DPYD: variants seen among roughly 807,000 people sequenced by gnomAD.
DPYD encodes dihydropyrimidine dehydrogenase.
In DPYD, 109 loss-of-function variants were observed where a neutral mutation model predicts 116.2. The ratio of observed to expected loss-of-function variants is 0.94; its 90% confidence interval spans 0.80 to 1.10. The LOEUF (loss-of-function observed/expected upper bound fraction) is 1.10. Among genes scored for constraint, DPYD ranks in the 50% least tolerant of loss-of-function variants. DPYD has a pLI of 0.00. For missense variants in DPYD, 1,302 were observed against 1,254.5 expected (o/e 1.04, Z -0.57); for synonymous variants, 440 against 432.0 (o/e 1.02, Z -0.23).
At chr1:97,122,813 AT>A (rs1043197642) in intron 20 of DPYD, among the ~76,000 whole-genome samples, 10 of 151,204 alleles carry the variant, frequency 6.6e-5, no homozygotes, top group Non-Finnish European at 3.0e-5. Context: ...TGCTATCTTT[AT>A]TTTTTTTTCC....
At chr1:97,510,745 A>G (rs1480162299) in intron 13 of DPYD, among the ~76,000 whole-genome samples, 3 of 151,958 alleles carry the variant, frequency 2.0e-5, no homozygotes, top group African/African-American at 7.2e-5. Context: ...ATGAACATAC[A>G]TTGACTTTGT....
At chr1:97,809,186 C>G (rs1051788984) in intron 3 of DPYD, among the ~76,000 whole-genome samples, 4 of 152,166 alleles carry the variant, frequency 2.6e-5, no homozygotes, top group Admixed American at 2.6e-4. Flanking sequence ...GTGTGAAGAA[C>G]AGTCTTTATG....
At chr1:97,324,516 A>C (rs1668611776) in intron 16 of DPYD, among the ~76,000 whole-genome samples, 1 of 152,022 alleles carries the variant, frequency 6.6e-6, no homozygotes, top group Non-Finnish European at 1.5e-5. Flanking sequence ...TTTAGAAAGG[A>C]GCTATTGGCC....
chr1:97,325,323 T>G (rs1395955764), intron 16 of DPYD, among the ~76,000 whole-genome samples: 1 of 152,056 alleles, frequency 6.6e-6, no homozygotes, highest in Non-Finnish European at 1.5e-5. Flanking sequence ...TAAAGAAGTC[T>G]TTATTTCATA....
At chr1:97,413,847 A>AT (rs1674146185) in intron 14 of DPYD, among the ~76,000 whole-genome samples, 1 of 151,690 alleles carries the variant, frequency 6.6e-6, no homozygotes, top group Admixed American at 6.6e-5. Context: ...TTTTCAACAT[A>AT]TTTTCATGAC....
chr1:97,518,786 A>T (rs1648421869), intron 12 of DPYD, among the ~76,000 whole-genome samples: 1 of 152,158 alleles, frequency 6.6e-6, no homozygotes, highest in African/African-American at 2.4e-5. Flanking sequence ...TATATTGTAA[A>T]AAGGAATGCT....
intron 16 of DPYD, among the ~76,000 whole-genome samples, chr1:97,370,685 T>A (rs1172986253): frequency 6.6e-6 from 1 of 152,220 alleles, no homozygotes; most frequent in Non-Finnish European, 1.5e-5. Flanking sequence ...TAGCCTGCTA[T>A]TTTTAATGTT....
intron 13 of DPYD, among the ~76,000 whole-genome samples, chr1:97,472,888 C>T (rs901874377): frequency 9.2e-5 from 14 of 152,176 alleles, no homozygotes; most frequent in African/African-American, 3.1e-4. Context: ...AATGTGATGA[C>T]TTCATATATC....
chr1:97,822,018 T>C (rs141932492), intron 3 of DPYD, among the ~76,000 whole-genome samples: 3 of 151,902 alleles, frequency 2.0e-5, no homozygotes, highest in African/African-American at 7.2e-5. Context: ...TTATTTCATA[T>C]TTTTAGTTTT....
At chr1:97,884,145 G>C (rs187756512) in intron 1 of DPYD, among the ~76,000 whole-genome samples, 3 of 151,904 alleles carry the variant, frequency 2.0e-5, no homozygotes, top group South Asian at 2.1e-4. Context: ...AGACTAATAT[G>C]GGGCAAAATA....
At chr1:97,086,334 G>A (rs1400946734) in intron 21 of DPYD, among the ~76,000 whole-genome samples, 1 of 146,024 alleles carries the variant, frequency 6.8e-6, no homozygotes, top group African/African-American at 2.5e-5. Flanking sequence ...ACAGGCGTGA[G>A]CCACGGCGCC....
chr1:97,145,563 C>T (rs1654555081), intron 20 of DPYD, among the ~76,000 whole-genome samples: 1 of 152,074 alleles, frequency 6.6e-6, no homozygotes, highest in South Asian at 2.1e-4. Flanking sequence ...GAGATATTGT[C>T]GAAATCACAA....
chr1:97,669,118 T>C (rs929218826), intron 8 of DPYD, among the ~76,000 whole-genome samples: 4 of 152,176 alleles, frequency 2.6e-5, no homozygotes, highest in Admixed American at 2.6e-4. Context: ...ACAGAGCCTC[T>C]GATGTGTAAT....
chr1:97,667,954 C>T (rs1659652820), intron 8 of DPYD, among the ~76,000 whole-genome samples: 1 of 152,034 alleles, frequency 6.6e-6, no homozygotes, highest in East Asian at 1.9e-4. Context: ...ATAAGCCATT[C>T]ACACACAAAA....
chr1:97,542,862 T>A (rs1377151039), intron 12 of DPYD, among the ~76,000 whole-genome samples: 1 of 152,220 alleles, frequency 6.6e-6, no homozygotes, highest in Non-Finnish European at 1.5e-5. Context: ...CTAAATAAAA[T>A]GCTTTTGCAA....
chr1:97,583,149 T>C (rs1248308813), intron 10 of DPYD, among the ~76,000 whole-genome samples: 1 of 152,222 alleles, frequency 6.6e-6, no homozygotes, highest in South Asian at 2.1e-4. Context: ...TTTTGTATTT[T>C]TAGTAGAGAC....
chr1:97,288,864 C>T (rs1348056198), intron 18 of DPYD, among the ~76,000 whole-genome samples: 1 of 151,794 alleles, frequency 6.6e-6, no homozygotes, highest in African/African-American at 2.4e-5. Context: ...AATAGAGACA[C>T]AAAAAACCCT....
intron 14 of DPYD, among the ~76,000 whole-genome samples, chr1:97,439,820 C>T (rs1364300688): frequency 1.3e-5 from 2 of 151,788 alleles, no homozygotes; most frequent in Non-Finnish European, 2.9e-5. Context: ...TAACTTGAGA[C>T]TTTTTTTCAT....
At chr1:97,913,884 A>T (rs1674089134) in intron 1 of DPYD, among the ~76,000 whole-genome samples, 1 of 151,950 alleles carries the variant, frequency 6.6e-6, no homozygotes, top group Non-Finnish European at 1.5e-5. Flanking sequence ...TCCATCCATG[A>T]TCGCCTCCTA....
Sources: gnomAD v4.1 joint callset for allele counts (sites outside exome capture counted in the v4.1 genomes callset) on GRCh38, gnomAD v4.1.1 for gene constraint, MANE v1.5 for transcripts, NCBI Gene and HGNC (gene_info 2026-07-23, HGNC 2026-07-21) for gene names.